CDH18: variants seen among roughly 807,000 people sequenced by gnomAD.
CDH18 encodes the protein cadherin-18.
A neutral mutation model predicts 67.9 loss-of-function variants in CDH18; 31 were observed. The observed-to-expected ratio is 0.46, with a 90% confidence interval of 0.34 to 0.62. The LOEUF (loss-of-function observed/expected upper bound fraction) is 0.62, where lower values mean the gene tolerates loss of function less well. Among genes scored for constraint, CDH18 ranks in the 20% least tolerant of loss-of-function variants. CDH18 has a pLI of 0.01. For missense variants in CDH18, 890 were observed against 975.5 expected, an observed-to-expected ratio of 0.91 and a Z score of 1.17; for synonymous variants, 362 against 347.2, an observed-to-expected ratio of 1.04 and a Z score of -0.48.
chr5:20,047,117 TTGA>T (rs1463338541), intron 2 of CDH18, among the ~76,000 whole-genome samples: 1 of 151,900 alleles, frequency 6.6e-6, no homozygotes, highest in Non-Finnish European at 1.5e-5. Context: ...TGTTTACATG[TTGA>T]TGAGAATAAT....
In CDH18 at chr5:20,056,779, G is replaced by A. The variant is rs548837001; in HGVS notation, c.-517-64765C>T. ...GCTCACTGCAAGCTCCACCTCCCGGGTTCACGCCATTCTCCTGCCTCAGTC... is the reference window on the plus strand; with the variant it reads ...GCTCACTGCAAGCTCCACCTCCCGGATTCACGCCATTCTCCTGCCTCAGTC... On this transcript the variant is annotated intron_variant, in intron 2 of 14. Transcript: ENST00000507958. Among the ~76,000 whole-genome samples, 31 of 148,690 alleles carry A rather than the reference G, an allele frequency of 2.1e-4. 1 individual carries two copies. Among genetic ancestry groups the A allele is most frequent in the African/African-American group, 7.0e-4 (28 of 39,792 alleles).
intron 2 of CDH18, among the ~76,000 whole-genome samples, chr5:19,859,989 G>GGTATGT (rs1554052082): frequency 7.0e-6 from 1 of 143,148 alleles, no homozygotes; most frequent in Non-Finnish European, 1.5e-5. Context: ...GTTTGCTTTG[G>GGTATGT]GTGTGTGTGT....
intron 7 of CDH18, among the ~76,000 whole-genome samples, chr5:19,579,860 T>A (rs1742942872): frequency 6.6e-6 from 1 of 151,816 alleles, no homozygotes; most frequent in Non-Finnish European, 1.5e-5. Flanking sequence ...TATTTCTTGG[T>A]AAGATACATT....
chr5:19,753,129 A>G (rs1290112365), intron 3 of CDH18, among the ~76,000 whole-genome samples: 1 of 151,932 alleles, frequency 6.6e-6, no homozygotes, highest in Non-Finnish European at 1.5e-5. Context: ...GCTCTTTAAC[A>G]CCCCCAAAAA....
chr5:19,608,329 C>T (rs2150093520), intron 6 of CDH18, among the ~76,000 whole-genome samples: 1 of 151,664 alleles, frequency 6.6e-6, no homozygotes, highest in East Asian at 1.9e-4. Flanking sequence ...TCAAAAGACA[C>T]TAGAAAGACC....
At chr5:20,151,025 T>TC (rs1286450140) in intron 2 of CDH18, among the ~76,000 whole-genome samples, 19 of 151,036 alleles carry the variant, frequency 1.3e-4, no homozygotes, top group Admixed American at 1.3e-4. Flanking sequence ...TTATTTCAAT[T>TC]TTTTTTTTAG....
rs3065078 is a variant in CDH18 at position 19,962,378 on chromosome 5, C to CAAAAAAAAAAAAAA, written c.-257+18668_-257+18681dup. Among the ~76,000 whole-genome samples the CAAAAAAAAAAAAAA allele has an allele frequency of 5.4e-3, 277 of 51,522 alleles. 3 individuals are homozygous for CAAAAAAAAAAAAAA. The highest frequency in any genetic ancestry group is 6.6e-3 in the East Asian group (12 of 1,822). 33.8% of individuals were successfully genotyped at this position (51,522 alleles called of 152,430 possible). On this transcript the variant is annotated intron_variant, in intron 2 of 12. Transcript: ENST00000382275. ...AATTTAGAGAATAAACGTCAAAAAG[C>CAAAAAAAAAAAAAA]AAAAAAAAAAAAAAAAAAGAAAATT...
intron 2 of CDH18, among the ~76,000 whole-genome samples, chr5:19,881,378 G>A (rs913073482): frequency 6.6e-6 from 1 of 151,870 alleles, no homozygotes; most frequent in African/African-American, 2.4e-5. Flanking sequence ...CAGCCTAGTA[G>A]AAACTATAAC....
chr5:19,541,654 A>G (rs1196463595), intron 9 of CDH18, among the ~76,000 whole-genome samples: 1 of 152,194 alleles, frequency 6.6e-6, no homozygotes, highest in Non-Finnish European at 1.5e-5. Flanking sequence ...GAGCGTGTGC[A>G]GGGGAACTCC....
At chr5:20,116,275 C>T (rs1747902871) in intron 2 of CDH18, among the ~76,000 whole-genome samples, 1 of 151,858 alleles carries the variant, frequency 6.6e-6, no homozygotes, top group African/African-American at 2.4e-5. Context: ...ATGGGAGGCC[C>T]GAGGCAGGTG....
rs185413527 is a variant in CDH18 at position 20,225,412 on chromosome 5, A to G, written c.-518+30032T>C. Among the ~76,000 whole-genome samples, 127 of 152,302 alleles carry G rather than the reference A, an allele frequency of 8.3e-4. 1 individual carries two copies. The highest frequency in any genetic ancestry group is 2.8e-3 in the African/African-American group (117 of 41,580). ...GCATAAAGGATCAACTTTCTACGTC[A>G]TAAAGAGAGTAGATAAAAAAAGACC... On this transcript the variant is annotated intron_variant, in intron 2 of 14. Transcript: ENST00000507958.
chr5:20,543,502 A>G (rs967031249), intron 1 of CDH18, among the ~76,000 whole-genome samples: 1 of 152,016 alleles, frequency 6.6e-6, no homozygotes, highest in Non-Finnish European at 1.5e-5. Context: ...AAAGCTGCTG[A>G]TTTGGAATAT....
chr5:19,511,003 G>T (rs1214308833), intron 10 of CDH18, among the ~76,000 whole-genome samples: 1 of 152,026 alleles, frequency 6.6e-6, no homozygotes, highest in African/African-American at 2.4e-5. Flanking sequence ...AAAGAGATGG[G>T]GTTTTGCCAT....
intron 2 of CDH18, among the ~76,000 whole-genome samples, chr5:19,915,579 T>C (rs1791677862): frequency 6.6e-6 from 1 of 152,152 alleles, no homozygotes; most frequent in South Asian, 2.1e-4. Context: ...TTCTATACTG[T>C]ATTCATACAA....
At chr5:20,239,917 AT>A (rs893897527) in intron 2 of CDH18, among the ~76,000 whole-genome samples, 2 of 152,058 alleles carry the variant, frequency 1.3e-5, no homozygotes, top group Admixed American at 1.3e-4. Context: ...TAAAAAAAAA[AT>A]AAACAGAGAA....
chr5:20,367,060 A>G (rs2150079199), intron 1 of CDH18, among the ~76,000 whole-genome samples: 1 of 152,226 alleles, frequency 6.6e-6, no homozygotes, highest in African/African-American at 2.4e-5. Flanking sequence ...ACTTCTAACC[A>G]GCTTCTAATA....
At chr5:19,640,233 G>A (rs1319372910) in intron 5 of CDH18, among the ~76,000 whole-genome samples, 1 of 151,752 alleles carries the variant, frequency 6.6e-6, no homozygotes, top group Admixed American at 6.6e-5. Flanking sequence ...CTGTAATAGG[G>A]GTCCATAATT....
At chr5:19,957,451 C>A (rs1178281641) in intron 2 of CDH18, among the ~76,000 whole-genome samples, 1 of 151,592 alleles carries the variant, frequency 6.6e-6, no homozygotes, top group African/African-American at 2.4e-5. Flanking sequence ...GTGTTAGGTA[C>A]ATATAAGGGT....
intron 2 of CDH18, among the ~76,000 whole-genome samples, chr5:20,179,318 C>A (rs1456166237): frequency 6.6e-6 from 1 of 152,110 alleles, no homozygotes; most frequent in African/African-American, 2.4e-5. Flanking sequence ...TAAAGAACTT[C>A]TTCAAACTTA....
Sources: allele counts gnomAD v4.1 joint callset (sites outside exome capture counted in the v4.1 genomes callset), GRCh38; gene constraint gnomAD v4.1.1; transcripts MANE v1.5; gene names NCBI Gene and HGNC (gene_info 2026-07-23, HGNC 2026-07-21).